PIK3CD: variants seen among roughly 807,000 people sequenced by gnomAD.
The protein encoded by PIK3CD is phosphatidylinositol 4,5-bisphosphate 3-kinase catalytic subunit delta isoform.
Under a neutral mutation model 122.9 loss-of-function variants are expected in PIK3CD, and 20 were observed. The ratio of observed to expected loss-of-function variants is 0.16; its 90% CI spans 0.11 to 0.24. PIK3CD has a LOEUF of 0.24. Among genes scored for constraint, PIK3CD ranks in the 10% least tolerant of loss-of-function variants. PIK3CD has a pLI of 1.00. For synonymous variants in PIK3CD, 596 were observed against 593.4 expected, an observed-to-expected ratio of 1.00 and a Z score of -0.06; for missense variants, 787 against 1,406.3, an observed-to-expected ratio of 0.56 and a Z score of 7.04.
At chr1:9,721,667 C>T in intron 15 of PIK3CD, 80 bp downstream of exon 15, 2 of 1,606,178 alleles carry the variant, frequency 1.2e-6, no homozygotes, top group Admixed American at 1.7e-5. Context: ...ACGTTTCCAG[C>T]AGGCCTGGGT....
At chr1:9,725,748 G>A (rs556252544) in intron 23 of PIK3CD, among the ~76,000 whole-genome samples, 194 of 150,250 alleles carry the variant, frequency 1.3e-3, no homozygotes, top group African/African-American at 3.4e-4. Context: ...GTGGTGGCAC[G>A]CACCTGTAAT....
At position 9,721,240 on chromosome 1, in the gene PIK3CD, G is replaced by A; in HGVS notation, c.1803G>A (p.Arg601=). ...GCTCCTTCGCCATCAAGTCGCTGCGGAAACTGACGTGAGTCCCAGCTGGGC... is the reference window on the plus strand; with the variant it reads ...GCTCCTTCGCCATCAAGTCGCTGCGAAAACTGACGTGAGTCCCAGCTGGGC... ...HVGSFAIKSL[R]KLTDDELFQY... is the part of the protein sequence containing the mutation. The change falls in exon 14 of 24, where the codon CGG becomes CGA. Residue 601 remains arginine (R), a synonymous_variant. Coordinates refer to ENST00000377346, the MANE Select transcript of PIK3CD (RefSeq NM_005026.5). 6.8e-6 allele frequency: 11 copies of A among 1,613,414 alleles called. No individual in the cohort carries two copies. Among genetic ancestry groups the A allele is most frequent in the Non-Finnish European group, 8.5e-6 (10 of 1,180,002 alleles).
Position 9,723,047 on chromosome 1 carries a change from T to G in PIK3CD, c.2427-78T>G. On this transcript the variant is annotated intron_variant, in intron 19 of 23. Coordinates refer to ENST00000377346, the MANE Select transcript of PIK3CD (RefSeq NM_005026.5). The surrounding 1 kb of genome is among the most constrained non-coding windows in gnomAD (Gnocchi z 4.9). Reference sequence around the variant, plus strand: ...TCTTCTGTGGCTTTTTGGGGCACCATGAGTTTCTGGGGCTCAAGTGGCCTC... The same window carrying G: ...TCTTCTGTGGCTTTTTGGGGCACCAGGAGTTTCTGGGGCTCAAGTGGCCTC... The G allele has an allele frequency of 4.2e-6, 6 of 1,429,362 alleles. No individual in the cohort carries two copies. Among genetic ancestry groups the G allele is most frequent in the Non-Finnish European group, 5.9e-6 (6 of 1,014,562 alleles). The allele number at this position is 1,429,362 out of a possible 1,614,324, so 88.5% of individuals were successfully genotyped here. A position where few individuals can be genotyped will look rare whatever the true frequency, so the allele number is the denominator to read the frequency against.
Position 9,722,668 on chromosome 1 carries a change from C to A in PIK3CD, c.2426+62C>A. On this transcript the variant is annotated intron_variant, in intron 19 of 23. Coordinates refer to ENST00000377346, the MANE Select transcript of PIK3CD (RefSeq NM_005026.5). This position sits in a 1 kb window ranked among gnomAD's most constrained non-coding sequence, Gnocchi z 7.6. ...GTGCCCAGCCTGGGAGTCTGTGCCC[C>A]TGGAGGGGTCCTTGTTGAAGGTGGC... 1 of 1,360,940 alleles carries A rather than the reference C, an allele frequency of 7.3e-7. No homozygotes were observed. The highest frequency in any genetic ancestry group is 1.2e-5 in the South Asian group (1 of 85,506). The allele number at this position is 1,360,940 out of a possible 1,614,324, so 84.3% of individuals were successfully genotyped here.
rs1340381876 is a variant in PIK3CD at position 9,652,029 on chromosome 1, G to A, written c.-138+227G>A. 6.6e-6 allele frequency among the ~76,000 whole-genome samples: 1 copy of A among 151,862 alleles called. No individual in the cohort carries two copies. ...GACCTGGGCGGGGGCTGCCCTAGAG[G>A]CCCGGGGCCGTCCCCCGTGGGCCCG... is the stretch of plus-strand genomic sequence containing the variant. On this transcript the variant is annotated intron_variant, in intron 1 of 23. Coordinates refer to ENST00000377346, the MANE Select transcript of PIK3CD (RefSeq NM_005026.5). This position sits in a 1 kb window ranked among gnomAD's most constrained non-coding sequence, Gnocchi z 6.2.
At chr1:9,725,264 T>C (rs1156574386) in intron 23 of PIK3CD, among the ~76,000 whole-genome samples, 1 of 152,202 alleles carries the variant, frequency 6.6e-6, no homozygotes, top group African/African-American at 2.4e-5. Flanking sequence ...TTCTAAAAGA[T>C]ATTTTTTGGC....
Position 9,724,207 on chromosome 1 carries a change from C to T in PIK3CD, c.2719-69C>T. The T allele has an allele frequency of 6.2e-7, 1 of 1,612,718 alleles. No individual in the cohort carries two copies. The highest frequency in any genetic ancestry group is 8.5e-7 in the Non-Finnish European group (1 of 1,179,364). On this transcript the variant is annotated intron_variant, in intron 21 of 23. Coordinates refer to ENST00000377346, the MANE Select transcript of PIK3CD (RefSeq NM_005026.5). The surrounding 1 kb of genome is among the most constrained non-coding windows in gnomAD (Gnocchi z 7.3). ...AGGGGTCCCCCAGCCCTGCTGGCTT[C>T]CTGTCTCCCCTGGATTCTCTCCTGT...
intron 5 of PIK3CD, 50 bp from the exon 6 acceptor site, chr1:9,716,390 A>C (rs770812482): frequency 6.3e-7 from 1 of 1,589,576 alleles, no homozygotes; most frequent in Admixed American, 1.7e-5. Flanking sequence ...TGTGCCCCAG[A>C]ACCCCGGGGG....
chr1:9,667,247 C>T (rs777690284), intron 1 of PIK3CD, among the ~76,000 whole-genome samples: 2 of 152,130 alleles, frequency 1.3e-5, no homozygotes, highest in Admixed American at 6.6e-5. Flanking sequence ...GAGAGGATTG[C>T]TTGAGCCCAG....
intron 2 of PIK3CD, among the ~76,000 whole-genome samples, chr1:9,701,768 G>C (rs1257013478): frequency 6.6e-6 from 1 of 152,030 alleles, no homozygotes; most frequent in Non-Finnish European, 1.5e-5. Flanking sequence ...ATTTAGATCA[G>C]GAAATTCATG....
chr1:9,720,377 G>A lies in PIK3CD; in HGVS notation c.1470+135G>A. The A allele has an allele frequency of 7.2e-7, 1 of 1,381,918 alleles. No individual in the cohort carries two copies. The highest frequency in any genetic ancestry group is 9.7e-7 in the Non-Finnish European group (1 of 1,027,440). The allele number at this position is 1,381,918 out of a possible 1,614,324, so 85.6% of individuals were successfully genotyped here. Reference sequence around the variant, plus strand: ...CCAGGCATATCTGGGGCCTTCCCAGGGGCCATTTTGCCTGCAGGGATGCTG... The same window carrying A: ...CCAGGCATATCTGGGGCCTTCCCAGAGGCCATTTTGCCTGCAGGGATGCTG... On this transcript the variant is annotated intron_variant, in intron 11 of 23. Transcript: ENST00000377346. The surrounding 1 kb of genome is among the most constrained non-coding windows in gnomAD (Gnocchi z 9.0).
Position 9,657,902 on chromosome 1 carries a change from G to T in PIK3CD, c.-138+6100G>T, listed in dbSNP as rs1644904363. 3.3e-5 allele frequency among the ~76,000 whole-genome samples: 5 copies of T among 152,232 alleles called. No individual in the cohort carries two copies. The South Asian group carries it at 1.0e-3, about 32-fold the overall frequency. On this transcript the variant is annotated intron_variant, in intron 1 of 23. Transcript: ENST00000377346. ...CCCCATTAATCATTGAAGTTTGTAG[G>T]AGGGGTGGATAAGGACATGGGAGAA...
At chr1:9,660,036 C>CT in intron 1 of PIK3CD, among the ~76,000 whole-genome samples, 1 of 152,382 alleles carries the variant, frequency 6.6e-6, no homozygotes, top group Admixed American at 6.5e-5. Flanking sequence ...CTGCCTCAGC[C>CT]TCCCAAGTAG....
chr1:9,644,238 G>T, the PIK3CD span, among the ~76,000 whole-genome samples: 1 of 152,162 alleles, frequency 6.6e-6, no homozygotes, highest in African/African-American at 2.4e-5. Context: ...GCCTGGGCTG[G>T]AGTGGTGGCT....
intron 2 of PIK3CD, among the ~76,000 whole-genome samples, chr1:9,694,331 T>A (rs749128988): frequency 3.3e-5 from 5 of 151,998 alleles, no homozygotes; most frequent in Admixed American, 6.6e-5. Flanking sequence ...GGCCGGAGTT[T>A]GAGACCAGCC....
chr1:9,683,481 G>A (rs1332219327), intron 1 of PIK3CD, among the ~76,000 whole-genome samples: 1 of 151,118 alleles, frequency 6.6e-6, no homozygotes, highest in Non-Finnish European at 1.5e-5. Flanking sequence ...CAAAAAAAAC[G>A]AGCCTTGTGC....
chr1:9,722,309 AGGC>A lies in PIK3CD; in HGVS notation c.2301_2303del (p.Ala768del). ...CTGTGGATCATGTACAGCAACGAGGAGGCAGGCAGCGGCGGCAGCGTGGGCATC... is the reference window on the plus strand; with the variant it reads ...CTGTGGATCATGTACAGCAACGAGGAAGGCAGCGGCGGCAGCGTGGGCATC... On this transcript the variant is annotated inframe_deletion, in exon 18 of 24. Transcript: ENST00000377346. The surrounding 1 kb of genome is among the most constrained non-coding windows in gnomAD (Gnocchi z 7.6). The A allele has an allele frequency of 6.2e-7, 1 of 1,613,618 alleles. No homozygotes were observed. The highest frequency in any genetic ancestry group is 8.5e-7 in the Non-Finnish European group (1 of 1,179,888).
At position 9,723,309 on chromosome 1, in the gene PIK3CD, G is replaced by A; in HGVS notation, c.2594+17G>A. The A allele has an allele frequency of 6.2e-7, 1 of 1,613,598 alleles. No homozygotes were observed. The highest frequency in any genetic ancestry group is 8.5e-7 in the Non-Finnish European group (1 of 1,179,816). On this transcript the variant is annotated intron_variant, in intron 20 of 23. Coordinates refer to ENST00000377346, the MANE Select transcript of PIK3CD (RefSeq NM_005026.5). This position sits in a 1 kb window ranked among gnomAD's most constrained non-coding sequence, Gnocchi z 4.9. ...GAACCCGGGGTGGGTTTCAGGCCCAGGGATAGGTTCCCTCTCCTTTCCAAG... is the reference window on the plus strand; with the variant it reads ...GAACCCGGGGTGGGTTTCAGGCCCAAGGATAGGTTCCCTCTCCTTTCCAAG...
At chr1:9,665,584 C>A (rs943095665) in intron 1 of PIK3CD, among the ~76,000 whole-genome samples, 2 of 151,624 alleles carry the variant, frequency 1.3e-5, no homozygotes, top group Non-Finnish European at 2.9e-5. Context: ...ATTGACATGT[C>A]CAATTAATAC....
Sources: allele counts gnomAD v4.1 joint callset (sites outside exome capture counted in the v4.1 genomes callset), GRCh38; gene constraint gnomAD v4.1.1; non-coding constraint Gnocchi (gnomAD v3.1); transcripts MANE v1.5; gene names NCBI Gene and HGNC (gene_info 2026-07-23, HGNC 2026-07-21).